EPB41L3: variants seen among roughly 807,000 people sequenced by gnomAD.
EPB41L3 encodes the protein band 4.1-like protein 3.
Under a neutral mutation model 127.1 loss-of-function variants are expected in EPB41L3, and 57 were observed. That is an observed-to-expected ratio of 0.45 (90% confidence interval 0.36 to 0.56). EPB41L3 has a LOEUF of 0.56. Ranked by LOEUF, EPB41L3 falls within the 20% of genes least tolerant of loss-of-function variation. The pLI, the probability that EPB41L3 is intolerant of heterozygous loss-of-function variation, is 0.00. For missense variants in EPB41L3, 1,273 were observed against 1,372.2 expected (o/e 0.93, Z 1.14); for synonymous variants, 572 against 549.5 (o/e 1.04, Z -0.57).
At chr18:5,610,055 T>C (rs2094708237) in intron 3 of EPB41L3, 19 of 972,738 alleles carry the variant, frequency 2.0e-5, no homozygotes, top group Non-Finnish European at 2.3e-5. Flanking sequence ...ATGCTGAAGA[T>C]AGTTTCCCAT....
intron 1 of EPB41L3, among the ~76,000 whole-genome samples, chr18:5,533,004 AAAAG>A (rs2093459092): frequency 6.6e-6 from 1 of 152,170 alleles, no homozygotes; most frequent in East Asian, 1.9e-4. Context: ...TGGGCAAAAA[AAAAG>A]AAATGAAATT....
upstream of EPB41L3, among the ~76,000 whole-genome samples, chr18:5,629,344 T>C (rs2094960968): frequency 6.6e-6 from 1 of 151,108 alleles, no homozygotes; most frequent in African/African-American, 2.4e-5. Context: ...TCCCTGCGGC[T>C]CCGCCGGGCT....
chr18:5,573,070 C>A (rs577878343), intron 3 of EPB41L3, among the ~76,000 whole-genome samples: 1 of 152,304 alleles, frequency 6.6e-6, no homozygotes, highest in Admixed American at 6.5e-5. Context: ...TAAGTTTCTA[C>A]GGTCACGTCT....
chr18:5,510,344 C>A (rs754310782), intron 1 of EPB41L3, among the ~76,000 whole-genome samples: 3 of 152,174 alleles, frequency 2.0e-5, no homozygotes, highest in African/African-American at 4.8e-5. Context: ...CAAGCCCCAT[C>A]CCCAGGCAGC....
intron 3 of EPB41L3, among the ~76,000 whole-genome samples, chr18:5,476,281 G>GA (rs1328609351): frequency 6.6e-6 from 1 of 152,020 alleles, no homozygotes; most frequent in East Asian, 1.9e-4. Flanking sequence ...TTATATCCCA[G>GA]AAAAAAGTTG....
intron 3 of EPB41L3, among the ~76,000 whole-genome samples, chr18:5,553,273 C>A (rs2093989690): frequency 6.6e-6 from 1 of 152,108 alleles, no homozygotes; most frequent in Non-Finnish European, 1.5e-5. Context: ...GGTTTCTGTG[C>A]ACATTATCTC....
chr18:5,551,335 A>C (rs1188273841), intron 3 of EPB41L3, among the ~76,000 whole-genome samples: 2 of 152,166 alleles, frequency 1.3e-5, no homozygotes, highest in Non-Finnish European at 2.9e-5. Context: ...ATATTCATTG[A>C]AATATTCCCT....
At chr18:5,422,286 A>C (rs907948479) in intron 11 of EPB41L3, among the ~76,000 whole-genome samples, 1 of 152,104 alleles carries the variant, frequency 6.6e-6, no homozygotes, top group African/African-American at 2.4e-5. Context: ...TCTTCTATAA[A>C]CTGTTCATAA....
chr18:5,575,088 A>G (rs1050324589), intron 3 of EPB41L3, among the ~76,000 whole-genome samples: 2 of 152,194 alleles, frequency 1.3e-5, no homozygotes, highest in African/African-American at 4.8e-5. Flanking sequence ...TGGTTTATGA[A>G]GTAAGGAATG....
rs145588627 is a variant in EPB41L3 at position 5,416,007 on chromosome 18, C to T, written c.1878G>A (p.Pro626=). 6.8e-6 allele frequency: 11 copies of T among 1,613,818 alleles called. No individual in the cohort carries two copies. Among genetic ancestry groups the T allele is most frequent in the African/African-American group, 5.3e-5 (4 of 74,844 alleles). ...LLPQSLQHYL[P]IRSPSLVPCF... is the part of the protein sequence containing the mutation. ...AGGGCACAAGGGACGGTGAGCGGAT[C>T]GGGAGGTAATGCTGCAAGCTCTGGG... The change falls in exon 13 of 23, where the codon CCG becomes CCA. Residue 626 remains proline, a synonymous_variant. Coordinates refer to ENST00000341928, the MANE Select transcript of EPB41L3 (RefSeq NM_012307.5).
rs2079539921 is a variant in EPB41L3 at position 5,434,904 on chromosome 18, TA to T, written c.606-784del. ...GTATCAGAAGAAGACACTGTTATCC[TA>T]GGAGATGACAGCTTCATGTGTGTTA... is the stretch of plus-strand genomic sequence containing the variant. On this transcript the variant is annotated intron_variant, in intron 6 of 22. Transcript: ENST00000341928. Among the ~76,000 whole-genome samples the T allele has an allele frequency of 2.6e-5, 4 of 152,344 alleles. No homozygotes were observed. In the South Asian group the frequency reaches 8.3e-4, roughly 32 times the overall value.
intron 9 of EPB41L3, among the ~76,000 whole-genome samples, chr18:5,426,200 A>G (rs2078153606): frequency 6.6e-6 from 1 of 152,168 alleles, no homozygotes; most frequent in African/African-American, 2.4e-5. Flanking sequence ...TGAATAAAAT[A>G]TATACAGTTG....
chr18:5,470,389 T>C (rs1366251028), intron 3 of EPB41L3, among the ~76,000 whole-genome samples: 1 of 152,242 alleles, frequency 6.6e-6, no homozygotes, highest in Admixed American at 6.5e-5. Flanking sequence ...TGAGTACAGC[T>C]CTTTGGTATC....
intron 3 of EPB41L3, among the ~76,000 whole-genome samples, chr18:5,555,554 A>G (rs183279800): frequency 3.9e-5 from 6 of 152,160 alleles, no homozygotes; most frequent in African/African-American, 1.4e-4. Flanking sequence ...CATGCAAATT[A>G]GAAACCCAGG....
chr18:5,499,515 G>A (rs2091526693), intron 1 of EPB41L3, among the ~76,000 whole-genome samples: 3 of 152,012 alleles, frequency 2.0e-5, no homozygotes. Flanking sequence ...TGTAATCCCA[G>A]CACTTTGAGG....
At chr18:5,617,977 T>C (rs1216404277) in intron 1 of EPB41L3, among the ~76,000 whole-genome samples, 1 of 152,160 alleles carries the variant, frequency 6.6e-6, no homozygotes, top group Non-Finnish European at 1.5e-5. Context: ...TGGCTTCCTG[T>C]TCCAAGGTCC....
In EPB41L3 at chr18:5,489,059, T is replaced by A. The variant is rs762698133; in HGVS notation, c.125A>T (p.Gln42Leu). ...GGCGGCGAACTGCTCCAGGGCCTGC[T>A]GCTGCTCCTCCTTGGGCGGCTCCGG... ...PVPEPPKEEQQQALEQFAAAA... is the reference protein window; with the variant it reads ...PVPEPPKEEQLQALEQFAAAA... The change falls in exon 2 of 23, where the codon CAG becomes CTG. Residue 42 changes from glutamine to leucine, a missense_variant. Physicochemically the swap from Gln to Leu is moderately radical, Grantham distance 113. Coordinates refer to ENST00000341928, the MANE Select transcript of EPB41L3 (RefSeq NM_012307.5). 1.9e-6 allele frequency: 3 copies of A among 1,596,536 alleles called. No homozygotes were observed. Among genetic ancestry groups the A allele is most frequent in the African/African-American group, 1.4e-5 (1 of 73,530 alleles).
At chr18:5,624,392 C>G (rs1431008406) in intron 1 of EPB41L3, among the ~76,000 whole-genome samples, 1 of 152,202 alleles carries the variant, frequency 6.6e-6, no homozygotes. Context: ...CTAGACTCTC[C>G]ACATTCTATT....
At chr18:5,530,257 A>C (rs989831931) in intron 1 of EPB41L3, among the ~76,000 whole-genome samples, 3 of 152,136 alleles carry the variant, frequency 2.0e-5, no homozygotes, top group African/African-American at 7.2e-5. Flanking sequence ...TGAAGTTTCT[A>C]AGTTTAAACA....
Sources: allele counts gnomAD v4.1 joint callset (sites outside exome capture counted in the v4.1 genomes callset), GRCh38; gene constraint gnomAD v4.1.1; transcripts MANE v1.5; gene names NCBI Gene and HGNC (gene_info 2026-07-23, HGNC 2026-07-21).